The following ABCA4 variants were observed in gnomAD, a reference collection of about 807,000 sequenced individuals.
ABCA4 encodes retinal-specific phospholipid-transporting ATPase ABCA4.
In ABCA4, 196 loss-of-function variants were observed where a neutral mutation model predicts 263.7. The observed-to-expected ratio is 0.74, with a 90% CI of 0.66 to 0.84. The LOEUF is 0.84. ABCA4 is among the 40% of genes least tolerant of loss of function. ABCA4 has a pLI of 0.00. For synonymous variants in ABCA4, 1,133 were observed against 1,094.2 expected (o/e 1.04, Z -0.70); for missense variants, 2,792 against 2,855.1 (o/e 0.98, Z 0.50).
Position 93,996,101 on chromosome 1 carries a change from AG to A in ABCA4, c.6816+7del. The A allele has an allele frequency of 6.2e-7, 1 of 1,613,348 alleles. No homozygotes were observed. The highest frequency in any genetic ancestry group is 8.5e-7 in the Non-Finnish European group (1 of 1,179,610). On this transcript the variant is annotated splice_region_variant and intron_variant, in intron 49 of 49. Transcript: ENST00000370225. ...TCAAGCTGTGGACTGCATAAGCAGC[AG>A]GGGTACCTGGGCTTGTCGACTGGCT... is the stretch of plus-strand genomic sequence containing the variant.
chr1:94,039,146 G>T (rs945623709), intron 24 of ABCA4, among the ~76,000 whole-genome samples: 2 of 152,142 alleles, frequency 1.3e-5, no homozygotes, highest in East Asian at 3.8e-4. Context: ...GAAAGACCCA[G>T]AGATGTCATC....
chr1:94,088,889 G>T (rs1029386744), intron 6 of ABCA4, among the ~76,000 whole-genome samples: 1 of 152,234 alleles, frequency 6.6e-6, no homozygotes, highest in Non-Finnish European at 1.5e-5. Context: ...CATGTCTCCA[G>T]GGAGGCTGCG....
At chr1:94,111,367 C>T in intron 3 of ABCA4, 71 bp downstream of exon 3, 1 of 1,577,766 alleles carries the variant, frequency 6.3e-7, no homozygotes, top group Non-Finnish European at 8.7e-7. Context: ...TCCGTGCACG[C>T]ACGTGTGCAT....
chr1:94,067,327 A>G (rs549022340), intron 11 of ABCA4, among the ~76,000 whole-genome samples: 122 of 152,304 alleles, frequency 8.0e-4, no homozygotes, highest in African/African-American at 2.8e-3. Context: ...GGAAATCTAT[A>G]CGGGAATAAG....
At chr1:94,025,808 A>G (rs907524596) in intron 30 of ABCA4, among the ~76,000 whole-genome samples, 1 of 152,138 alleles carries the variant, frequency 6.6e-6, no homozygotes, top group Non-Finnish European at 1.5e-5. Flanking sequence ...ACGTATTTGT[A>G]TCTGTAATCC....
intron 10 of ABCA4, 152 bp from the exon 11 acceptor site, chr1:94,078,039 C>T (rs1570405749): frequency 2.8e-6 from 2 of 723,728 alleles, no homozygotes; most frequent in African/African-American, 1.8e-5. Context: ...ATGAAACATA[C>T]CTATCTATAT....
rs541014339 is a variant in ABCA4 at position 94,076,367 on chromosome 1, G to A, written c.1554+1323C>T. Among the ~76,000 whole-genome samples the A allele has an allele frequency of 3.3e-5, 5 of 152,312 alleles. No homozygotes were observed. In the South Asian group the frequency reaches 8.3e-4, roughly 25 times the overall value. On this transcript the variant is annotated intron_variant, in intron 11 of 49. Coordinates refer to ENST00000370225, the MANE Select transcript of ABCA4 (RefSeq NM_000350.3). Reference sequence around the variant, plus strand: ...GCCAGAGATGAAGCTGAGCAGAGGCGAGTAGAAAAGTGAGGTGGAAGGACA... The same window carrying A: ...GCCAGAGATGAAGCTGAGCAGAGGCAAGTAGAAAAGTGAGGTGGAAGGACA...
chr1:94,001,695 C>G lies in ABCA4; in HGVS notation c.6282+163G>C, dbSNP rs559894909. 4 of 1,070,322 alleles carry G rather than the reference C, an allele frequency of 3.7e-6. No individual in the cohort carries two copies. The Admixed American group carries it at 5.9e-5, about 16-fold the overall frequency. The allele number at this position is 1,070,322 out of a possible 1,614,324, so 66.3% of individuals were successfully genotyped here. On this transcript the variant is annotated intron_variant, in intron 45 of 49. Transcript: ENST00000370225. ...TTGTTTTTCTCCGGAGCTGTGTGAA[C>G]CAAACACTGGGCTGATCGCTCAAAA...
chr1:94,041,303 G>A lies in ABCA4; in HGVS notation c.3428C>T (p.Thr1143Ile), dbSNP rs767894041. The A allele has an allele frequency of 6.2e-7, 1 of 1,614,122 alleles. No individual in the cohort carries two copies. Among genetic ancestry groups the A allele is most frequent in the South Asian group, 1.1e-5 (1 of 91,084 alleles). Residue 1143 changes from threonine to isoleucine, a missense_variant, in exon 23 of 50, where the codon ACC becomes ATC. Transcript: ENST00000370225. Reference protein sequence around the residue: ...IAQGRLYCSGTPLFLKNCFGT... With the variant: ...IAQGRLYCSGIPLFLKNCFGT... ...AAAGCAGTTCTTCAGGAAGAGTGGG[G>A]TGCCTGAGCAGTAGAGCCTTCCCTG...
At position 93,997,889 on chromosome 1, in the gene ABCA4, T is replaced by C; in HGVS notation, c.6701A>G (p.Tyr2234Cys). ...GTCCAGTGTGGTCTGTGTGACTGAG[T>C]ACTCCTCGATGAGCAGGCTGTCCTT... ...SHKDSLLIEE[Y>C]SVTQTTLDQV... is the part of the protein sequence containing the mutation. The change falls in exon 48 of 50, where the codon TAC becomes TGC. Residue 2234 changes from tyrosine to cysteine, a missense_variant. Transcript: ENST00000370225. 6.2e-7 allele frequency: 1 copy of C among 1,614,072 alleles called. No homozygotes were observed. Among genetic ancestry groups the C allele is most frequent in the Non-Finnish European group, 8.5e-7 (1 of 1,179,994 alleles).
At chr1:94,029,223 A>C (rs776030146) in intron 30 of ABCA4, among the ~76,000 whole-genome samples, 1 of 152,142 alleles carries the variant, frequency 6.6e-6, no homozygotes, top group African/African-American at 2.4e-5. Flanking sequence ...AATAGGAAGT[A>C]TCTGGTGGAA....
intron 7 of ABCA4, among the ~76,000 whole-genome samples, chr1:94,081,628 G>A (rs1661705351): frequency 6.6e-6 from 1 of 152,166 alleles, no homozygotes; most frequent in Non-Finnish European, 1.5e-5. Context: ...GCCTGTGTGT[G>A]TCTGTGTGTG....
intron 36 of ABCA4, among the ~76,000 whole-genome samples, 161 bp from the exon 37 acceptor site, chr1:94,016,015 G>T (rs556837369): frequency 6.6e-6 from 1 of 152,212 alleles, no homozygotes; most frequent in East Asian, 1.9e-4. Flanking sequence ...ATGTTAAGCT[G>T]TCACTAGTCC....
chr1:94,098,720 C>G, intron 6 of ABCA4, 74 bp downstream of exon 6: 1 of 1,558,046 alleles, frequency 6.4e-7, no homozygotes. Flanking sequence ...ACGCCCTCCC[C>G]AAGGTCAATT....
chr1:94,030,332 T>C, intron 29 of ABCA4, 96 bp downstream of exon 29: 1 of 1,040,504 alleles, frequency 9.6e-7, no homozygotes, highest in Admixed American at 1.8e-5. Flanking sequence ...AGAGCAGGAT[T>C]GAGTGGGGCC....
chr1:94,021,708 T>C lies in ABCA4; in HGVS notation c.4780A>G (p.Ile1594Val), dbSNP rs1659903213. 3.1e-6 allele frequency: 5 copies of C among 1,612,532 alleles called. No individual in the cohort carries two copies. The highest frequency in any genetic ancestry group is 1.7e-5 in the Admixed American group (1 of 59,844). The change falls in exon 34 of 50, where the codon ATC becomes GTC. Residue 1594 changes from isoleucine (I) to valine (V), a missense_variant. Transcript: ENST00000370225. ...ATTTCTTTAGAGGCCTCTCTAGTGA[T>C]AGGGCCCTAAAAACCATGTAAACAA... is the stretch of plus-strand genomic sequence containing the variant. ...GRIMNVSGGP[I>V]TREASKEIPD...
At chr1:94,065,711 G>T (rs955871884) in intron 11 of ABCA4, among the ~76,000 whole-genome samples, 1 of 152,194 alleles carries the variant, frequency 6.6e-6, no homozygotes, top group Non-Finnish European at 1.5e-5. Flanking sequence ...TATGGGCAGA[G>T]GAACACAGGT....
rs1659050753 is a variant in ABCA4, at chr1:93,997,854, A to G, written c.6729+7T>C. The G allele has an allele frequency of 6.2e-7, 1 of 1,613,746 alleles. No individual in the cohort carries two copies. Among genetic ancestry groups the G allele is most frequent in the African/African-American group, 1.3e-5 (1 of 74,902 alleles). On this transcript the variant is annotated splice_region_variant and intron_variant, in intron 48 of 49. Transcript: ENST00000370225. ...GCTCAGCTCTCGGTGCCCCAGGGCC[A>G]ACTTGCCTGGTCCAGTGTGGTCTGT... is the stretch of plus-strand genomic sequence containing the variant.
intron 2 of ABCA4, among the ~76,000 whole-genome samples, chr1:94,112,482 C>G (rs1009749265): frequency 1.3e-5 from 2 of 152,194 alleles, no homozygotes; most frequent in Non-Finnish European, 2.9e-5. Context: ...CAAGTATTTG[C>G]TTAGAATGTG....
Sources: allele counts gnomAD v4.1 joint callset (sites outside exome capture counted in the v4.1 genomes callset), GRCh38; gene constraint gnomAD v4.1.1; transcripts MANE v1.5; gene names NCBI Gene and HGNC (gene_info 2026-07-23, HGNC 2026-07-21).